TNK2: variants seen among roughly 807,000 people sequenced by gnomAD.
TNK2 encodes tyrosine kinase non receptor 2, also known as activated CDC42 kinase 1.
Under a neutral mutation model 101.8 loss-of-function variants are expected in TNK2, and 83 were observed. That is an observed-to-expected ratio of 0.82 (90% CI 0.68 to 0.98). The LOEUF (loss-of-function observed/expected upper bound fraction) is 0.98. Among genes scored for constraint, TNK2 ranks in the 50% least tolerant of loss-of-function variants. The probability of loss-of-function intolerance (pLI) is 0.00; values close to 1 mark genes in which losing one functional copy is unlikely to be tolerated. For missense variants in TNK2, 1,665 were observed against 1,483.2 expected (o/e 1.12, Z -2.01); for synonymous variants, 804 against 633.0 (o/e 1.27, Z -4.06).
chr3:195,885,400 C>A lies in TNK2; in HGVS notation c.235-367G>T. The A allele has an allele frequency of 7.4e-7, 1 of 1,356,480 alleles. No individual in the cohort carries two copies. Among genetic ancestry groups the A allele is most frequent in the Non-Finnish European group, 9.7e-7 (1 of 1,032,982 alleles). 84.0% of individuals were successfully genotyped at this position (1,356,480 alleles called of 1,614,324 possible). On this transcript the variant is annotated intron_variant, in intron 3 of 15. Transcript: ENST00000672887. The surrounding 1 kb of genome is among the most constrained non-coding windows in gnomAD (Gnocchi z 4.7). ...CTTCCTGCACCCGCCACCCCGCAGA[C>A]TCCAGCCCTAACCCGCATCGATGGA...
chr3:195,887,287 C>T (rs1756115495), intron 2 of TNK2, among the ~76,000 whole-genome samples: 1 of 152,264 alleles, frequency 6.6e-6, no homozygotes, highest in African/African-American at 2.4e-5. Context: ...CGATGGGCTT[C>T]TCCCAGTTCT....
rs183513544 is a variant in TNK2 at position 195,897,650 on chromosome 3, C to T, written c.-18-9044G>A. On this transcript the variant is annotated intron_variant, in intron 1 of 15. Transcript: ENST00000672887. ...CTGAGTAGCTGGGATTACAGGCGTGCACTATCACACCCAGCTAATTTTTGT... is the reference window on the plus strand; with the variant it reads ...CTGAGTAGCTGGGATTACAGGCGTGTACTATCACACCCAGCTAATTTTTGT... Among the ~76,000 whole-genome samples the T allele has an allele frequency of 1.3e-3, 198 of 152,232 alleles. 1 individual carries two copies. The highest frequency in any genetic ancestry group is 4.6e-3 in the African/African-American group (193 of 41,538).
chr3:195,866,910 G>A lies in TNK2; in HGVS notation c.3140C>T (p.Ser1047Phe), dbSNP rs761441151. ...LEQAGCHLLG[S>F]WGPAHHKR Reference sequence around the variant, plus strand: ...TCACTTGTGGTGGGCAGGGCCCCAGGAGCCCAGAAGGTGGCAGCCGGCCTG... The same window carrying A: ...TCACTTGTGGTGGGCAGGGCCCCAGAAGCCCAGAAGGTGGCAGCCGGCCTG... The change falls in exon 15 of 16, where the codon TCC becomes TTC. Residue 1047 changes from serine to phenylalanine, a missense_variant. Around this residue, in one of 3 missense-constraint regions of TNK2, gnomAD observed 1,136 missense variants for 894.9 expected, o/e 1.27. Coordinates refer to ENST00000672887, the MANE Select transcript of TNK2 (RefSeq NM_001382273.1). 2 of 1,611,672 alleles carry A rather than the reference G, an allele frequency of 1.2e-6. No individual in the cohort carries two copies. Among genetic ancestry groups the A allele is most frequent in the South Asian group, 1.1e-5 (1 of 90,810 alleles).
chr3:195,869,726 T>G, intron 11 of TNK2, 185 bp from the exon 12 acceptor site: 2 of 651,068 alleles, frequency 3.1e-6, no homozygotes, highest in Non-Finnish European at 5.5e-6. Flanking sequence ...AACACGGCGG[T>G]CCAGTATGAT....
chr3:195,871,245 C>T (rs1295402082), intron 10 of TNK2, among the ~76,000 whole-genome samples: 2 of 152,108 alleles, frequency 1.3e-5, no homozygotes, highest in African/African-American at 2.4e-5. Context: ...GCGTGTCCTT[C>T]CCAGATGCCC....
At chr3:195,884,619 G>A (rs992652845) in intron 4 of TNK2, 193 bp downstream of exon 4, 2 of 565,252 alleles carry the variant, frequency 3.5e-6, no homozygotes, top group Non-Finnish European at 6.1e-6. Context: ...ACTCCAGCCT[G>A]GGCGACAGAG....
In TNK2 at chr3:195,878,233, C is replaced by A. The variant is rs1750540124; in HGVS notation, c.1256+20G>T. 1.9e-6 allele frequency: 3 copies of A among 1,613,254 alleles called. No homozygotes were observed. The African/African-American group carries it at 4.0e-5, about 22-fold the overall frequency. On this transcript the variant is annotated intron_variant, in intron 9 of 15. Coordinates refer to ENST00000672887, the MANE Select transcript of TNK2 (RefSeq NM_001382273.1). The surrounding 1 kb of genome is among the most constrained non-coding windows in gnomAD (Gnocchi z 4.7). ...CCCTTCAAGCGATCCCAGGGCGGGGCCCAGCCCTGCACTCCCTACCTTCCC... is the reference window on the plus strand; with the variant it reads ...CCCTTCAAGCGATCCCAGGGCGGGGACCAGCCCTGCACTCCCTACCTTCCC...
At chr3:195,877,314 G>T (rs1749958144) in intron 9 of TNK2, among the ~76,000 whole-genome samples, 1 of 152,184 alleles carries the variant, frequency 6.6e-6, no homozygotes, top group Admixed American at 6.5e-5. Flanking sequence ...GGCCTGGGAA[G>T]GCTCGGGGTG....
chr3:195,874,155 C>G (rs1747471048), intron 9 of TNK2, among the ~76,000 whole-genome samples: 1 of 152,198 alleles, frequency 6.6e-6, no homozygotes, highest in African/African-American at 2.4e-5. Flanking sequence ...GGCCAGACGC[C>G]GGACTCTGCT....
In TNK2 at chr3:195,872,353, C is replaced by A. The variant is rs200034892; in HGVS notation, c.1374G>T (p.Leu458=). Residue 458 remains leucine (L), a synonymous_variant, in exon 10 of 16, where the codon CTG becomes CTT. Coordinates refer to ENST00000672887, the MANE Select transcript of TNK2 (RefSeq NM_001382273.1). ...GCCCTGTGTGGATGAAGCTGTTCTG[C>A]AGGGGCTGGCTGATGTCCTGGGCCG... ...GLSAQDISQP[L]QNSFIHTGHG... The A allele has an allele frequency of 6.2e-7, 1 of 1,613,382 alleles. No individual in the cohort carries two copies.
At position 195,878,717 on chromosome 3, in the gene TNK2, C is replaced by A; in HGVS notation, c.1015-125G>T. The A allele has an allele frequency of 7.1e-7, 1 of 1,399,120 alleles. No homozygotes were observed. Among genetic ancestry groups the A allele is most frequent in the Non-Finnish European group, 9.6e-7 (1 of 1,045,826 alleles). The allele number at this position is 1,399,120 out of a possible 1,614,324, so 86.7% of individuals were successfully genotyped here. A position where few individuals can be genotyped will look rare whatever the true frequency, so the allele number is the denominator to read the frequency against. ...CATGCCTGGCCTCCAAAGAAGGGAT[C>A]TGCCTGCCTGGGAGGGGCCCTCTCC... On this transcript the variant is annotated intron_variant, in intron 7 of 15. Transcript: ENST00000672887. The surrounding 1 kb of genome is among the most constrained non-coding windows in gnomAD (Gnocchi z 4.7).
At chr3:195,896,062 T>C (rs1402543585) in intron 1 of TNK2, 1 of 455,152 alleles carries the variant, frequency 2.2e-6, no homozygotes. Flanking sequence ...CCTCCTTGAC[T>C]TCAGAGCGGT....
At position 195,867,514 on chromosome 3, in the gene TNK2, G is replaced by A. The variant is rs776793350; in HGVS notation, c.2784C>T (p.Pro928=). 3.9e-6 allele frequency: 6 copies of A among 1,556,524 alleles called. No individual in the cohort carries two copies. The Admixed American group carries it at 5.5e-5, about 14-fold the overall frequency. The part of the protein sequence containing the change: ...AAPTATVRPM[P]QAALDPKANF... ...TGGCCTTGGGGTCCAAGGCAGCCTG[G>A]GGCATCGGCCGCACGGTGGCCGTGG... Residue 928 remains proline (P), a synonymous_variant, in exon 13 of 16, where the codon CCC becomes CCT. Transcript: ENST00000672887.
In TNK2 at chr3:195,891,809, C is replaced by T. The variant is rs1399246905; in HGVS notation, c.-18-3203G>A. 3.1e-5 allele frequency: 16 copies of T among 519,116 alleles called. No homozygotes were observed. In the Admixed American group the frequency reaches 8.9e-4, roughly 29 times the overall value. 32.2% of individuals were successfully genotyped at this position (519,116 alleles called of 1,614,324 possible). On this transcript the variant is annotated intron_variant, in intron 1 of 15. Transcript: ENST00000672887. ...CCTGAAAACAGCTCAAAGCCATGCC[C>T]GGGGTGGTCAGGGCTGGGGGAGACC...
Position 195,885,512 on chromosome 3 carries a change from C to T in TNK2, c.235-479G>A, listed in dbSNP as rs1201877572. ...CTGACCATTTGGTGCTGTCTGTCTC[C>T]ACCCTCACCAGGGAGTCGGCTGCCC... On this transcript the variant is annotated intron_variant, in intron 3 of 15. Transcript: ENST00000672887. This position sits in a 1 kb window ranked among gnomAD's most constrained non-coding sequence, Gnocchi z 4.7. 3.1e-6 allele frequency: 4 copies of T among 1,294,232 alleles called. No individual in the cohort carries two copies. The highest frequency in any genetic ancestry group is 4.0e-6 in the Non-Finnish European group (4 of 992,092). The allele number at this position is 1,294,232 out of a possible 1,614,324, so 80.2% of individuals were successfully genotyped here.
intron 10 of TNK2, among the ~76,000 whole-genome samples, chr3:195,871,909 C>CT (rs60377054): frequency 1.4e-5 from 2 of 147,386 alleles, no homozygotes; most frequent in African/African-American, 2.5e-5. Flanking sequence ...GAACGCTCCC[C>CT]GGAGAACCCT....
intron 15 of TNK2, among the ~76,000 whole-genome samples, chr3:195,865,825 C>T (rs1009938710): frequency 3.9e-5 from 6 of 152,166 alleles, no homozygotes; most frequent in African/African-American, 9.7e-5. Flanking sequence ...TGGCGCCAGG[C>T]GTGCTGGGCG....
At chr3:195,904,221 G>T (rs1577123623) in intron 1 of TNK2, among the ~76,000 whole-genome samples, 1 of 148,462 alleles carries the variant, frequency 6.7e-6, no homozygotes, top group East Asian at 2.0e-4. Flanking sequence ...TCACACCACT[G>T]CTCTCCGGCC....
At chr3:195,875,549 A>C (rs1401730628) in intron 9 of TNK2, among the ~76,000 whole-genome samples, 1 of 152,180 alleles carries the variant, frequency 6.6e-6, no homozygotes, top group Non-Finnish European at 1.5e-5. Flanking sequence ...GGACCGTGTC[A>C]CTTCTCGCAG....
Sources: gnomAD v4.1 joint callset for allele counts (sites outside exome capture counted in the v4.1 genomes callset) on GRCh38, gnomAD v4.1.1 for gene constraint, gnomAD v4.1.1 regional missense constraint, Gnocchi (gnomAD v3.1) non-coding constraint, MANE v1.5 for transcripts, NCBI Gene and HGNC (gene_info 2026-07-23, HGNC 2026-07-21) for gene names.